The following HPSE2 variants were observed in gnomAD, a reference collection of about 807,000 sequenced individuals.
The protein encoded by HPSE2 is heparanase 2 (inactive).
HPSE2 carries 38 observed loss-of-function variants against 60.5 expected under a neutral mutation model. The observed-to-expected ratio is 0.63, with a 90% confidence interval of 0.48 to 0.82. The LOEUF (loss-of-function observed/expected upper bound fraction) is 0.82. HPSE2 is among the 40% of genes least tolerant of loss of function. The pLI, the probability that HPSE2 is intolerant of heterozygous loss-of-function variation, is 0.00. For synonymous variants in HPSE2, 295 were observed against 293.2 expected, an observed-to-expected ratio of 1.01 and a Z score of -0.06; for missense variants, 713 against 740.4, an observed-to-expected ratio of 0.96 and a Z score of 0.43.
rs1053569482 is a variant in HPSE2, at chr10:99,110,686, T to C, written c.610+33552A>G. Among the ~76,000 whole-genome samples, 6 of 152,132 alleles carry C rather than the reference T, an allele frequency of 3.9e-5. No individual in the cohort carries two copies. In the East Asian group the frequency reaches 5.8e-4, roughly 15 times the overall value. On this transcript the variant is annotated intron_variant, in intron 3 of 11. Transcript: ENST00000370552. ...TTTATTAATCTCTCCTTTACTAATA[T>C]ATTAGAAAGCACAAAAATTCTATTG...
the HPSE2 span, among the ~76,000 whole-genome samples, chr10:99,257,565 G>A: frequency 1.1e-4 from 17 of 152,202 alleles, no homozygotes; most frequent in Non-Finnish European, 2.1e-4. Context: ...TGGTCAGACC[G>A]GTTGTCTGCT....
At chr10:98,720,147 A>C (rs1429532410) in intron 5 of HPSE2, among the ~76,000 whole-genome samples, 2 of 152,176 alleles carry the variant, frequency 1.3e-5, no homozygotes, top group Non-Finnish European at 2.9e-5. Context: ...AATGAAAAGA[A>C]AATGGGATAT....
intron 4 of HPSE2, among the ~76,000 whole-genome samples, chr10:98,740,279 G>A (rs568065095): frequency 3.3e-5 from 5 of 151,336 alleles, no homozygotes; most frequent in African/African-American, 9.7e-5. Flanking sequence ...AGGCTCAAGT[G>A]ACCCTCCAGC....
intron 9 of HPSE2, among the ~76,000 whole-genome samples, chr10:98,519,219 C>T (rs1942705655): frequency 6.6e-6 from 1 of 152,180 alleles, no homozygotes; most frequent in Non-Finnish European, 1.5e-5. Context: ...TTAACATTTG[C>T]TGAGCACCTG....
Position 98,557,208 on chromosome 10 carries a change from G to T in HPSE2, c.1320+57696C>A, listed in dbSNP as rs141358302. ...AGTCTGCGCAACAGAGCAAGACTCT[G>T]TCTCCAAAGGAAAAAAAAAATTAAG... On this transcript the variant is annotated intron_variant, in intron 9 of 11. Coordinates refer to ENST00000370552, the MANE Select transcript of HPSE2 (RefSeq NM_021828.5). 4.4e-3 allele frequency among the ~76,000 whole-genome samples: 672 copies of T among 151,980 alleles called. 7 individuals are homozygous for T. Among genetic ancestry groups the T allele is most frequent in the African/African-American group, 0.015 (632 of 41,426 alleles).
chr10:98,482,631 C>G lies in HPSE2; in HGVS notation c.1613+5G>C. The G allele has an allele frequency of 6.2e-7, 1 of 1,614,104 alleles. No homozygotes were observed. Among genetic ancestry groups the G allele is most frequent in the Non-Finnish European group, 8.5e-7 (1 of 1,180,002 alleles). On this transcript the variant is annotated splice_donor_5th_base_variant and intron_variant, in intron 11 of 11. Coordinates refer to ENST00000370552, the MANE Select transcript of HPSE2 (RefSeq NM_021828.5). ...CTCCCGAGCTATTTTCAGGTTGGCA[C>G]GTACTTGGACTTTAGGCCCTCCTGC...
intron 7 of HPSE2, among the ~76,000 whole-genome samples, chr10:98,630,544 A>G (rs188814322): frequency 3.4e-5 from 5 of 148,538 alleles, no homozygotes; most frequent in African/African-American, 7.5e-5. Context: ...CTTCTCATCC[A>G]CATTGTTTTG....
At chr10:98,908,969 T>C (rs1329187886) in intron 3 of HPSE2, among the ~76,000 whole-genome samples, 1 of 152,114 alleles carries the variant, frequency 6.6e-6, no homozygotes, top group Non-Finnish European at 1.5e-5. Context: ...ATTCAGGTGA[T>C]AGAATGTGGG....
At chr10:98,895,378 TA>T (rs1564638871) in intron 3 of HPSE2, among the ~76,000 whole-genome samples, 1 of 152,196 alleles carries the variant, frequency 6.6e-6, no homozygotes, top group African/African-American at 2.4e-5. Context: ...CACAGTAGAA[TA>T]AATTTTCTTA....
chr10:99,224,134 A>G (rs1849399670), intron 2 of HPSE2, among the ~76,000 whole-genome samples: 1 of 152,054 alleles, frequency 6.6e-6, no homozygotes, highest in Non-Finnish European at 1.5e-5. Flanking sequence ...CTTATATACA[A>G]CTGATAATCA....
At chr10:99,184,813 T>TATATATATATATATATATATATAC (rs1564878056) in intron 2 of HPSE2, among the ~76,000 whole-genome samples, 1 of 30,966 alleles carries the variant, frequency 3.2e-5, no homozygotes, top group Non-Finnish European at 9.0e-5. Context: ...TATATATATA[T>TATATATATATATATATATATATAC]ATATATAGAG....
chr10:99,199,397 C>T (rs1848503530), intron 2 of HPSE2, among the ~76,000 whole-genome samples: 1 of 151,972 alleles, frequency 6.6e-6, no homozygotes, highest in Admixed American at 6.6e-5. Flanking sequence ...GTTTAATTTG[C>T]ATTTCCCTGA....
chr10:98,609,998 T>G (rs1033459689), intron 9 of HPSE2, among the ~76,000 whole-genome samples: 4 of 152,034 alleles, frequency 2.6e-5, no homozygotes, highest in Non-Finnish European at 5.9e-5. Context: ...CCCGCCACCA[T>G]GCCTGGCTAG....
At chr10:99,115,768 C>T (rs1844665259) in intron 3 of HPSE2, among the ~76,000 whole-genome samples, 1 of 151,978 alleles carries the variant, frequency 6.6e-6, no homozygotes, top group South Asian at 2.1e-4. Flanking sequence ...AAAAAGTATT[C>T]ACTTATGTGA....
intron 9 of HPSE2, among the ~76,000 whole-genome samples, chr10:98,542,169 C>T (rs1326393215): frequency 1.3e-5 from 2 of 152,136 alleles, no homozygotes; most frequent in Non-Finnish European, 1.5e-5. Flanking sequence ...TCGCGGTTCA[C>T]GAAAATCCGC....
chr10:98,603,486 G>A (rs1945490694), intron 9 of HPSE2, among the ~76,000 whole-genome samples: 1 of 150,240 alleles, frequency 6.7e-6, no homozygotes, highest in Non-Finnish European at 1.5e-5. Flanking sequence ...CTGGAGTACA[G>A]TGGCTTGATC....
At chr10:99,244,784 A>T in the HPSE2 span, among the ~76,000 whole-genome samples, 1 of 152,022 alleles carries the variant, frequency 6.6e-6, no homozygotes, top group African/African-American at 2.4e-5. Context: ...CCACTGATTC[A>T]TTCCACTACT....
intron 4 of HPSE2, among the ~76,000 whole-genome samples, chr10:98,723,730 A>T (rs534906242): frequency 6.6e-6 from 1 of 152,286 alleles, no homozygotes; most frequent in Non-Finnish European, 1.5e-5. Context: ...CATTACTTCT[A>T]GATTTTCTAG....
chr10:99,280,008 G>C, the HPSE2 span, among the ~76,000 whole-genome samples: 8 of 152,310 alleles, frequency 5.3e-5, no homozygotes, highest in East Asian at 1.5e-3. Flanking sequence ...ATGAGATAGA[G>C]TGGGGCTATG....
Sources: allele counts gnomAD v4.1 joint callset (sites outside exome capture counted in the v4.1 genomes callset), GRCh38; gene constraint gnomAD v4.1.1; transcripts MANE v1.5; gene names NCBI Gene and HGNC (gene_info 2026-07-23, HGNC 2026-07-21).